Variants in SLC45A4 observed in about 807,000 individuals in gnomAD.
SLC45A4 encodes the protein polyamine-transporter SLC45A4.
SLC45A4 carries 32 observed loss-of-function variants against 63.7 expected under a neutral mutation model. The ratio of observed to expected loss-of-function variants is 0.50; its 90% CI spans 0.38 to 0.67. The LOEUF (loss-of-function observed/expected upper bound fraction) is 0.67. SLC45A4 is among the 30% of genes least tolerant of loss of function. The pLI, the probability that SLC45A4 is intolerant of heterozygous loss-of-function variation, is 0.00. For synonymous variants in SLC45A4, 535 were observed against 510.0 expected (o/e 1.05, Z -0.66); for missense variants, 1,027 against 1,157.7 (o/e 0.89, Z 1.64).
At chr8:141,285,000 AC>A (rs60804574) in intron 1 of SLC45A4, among the ~76,000 whole-genome samples, 45,571 of 152,104 alleles carry the variant, frequency 0.3, 7,011 homozygotes, top group East Asian at 0.43. Context: ...GGCCGGCTTG[AC>A]AGGAACCAGT....
In SLC45A4 at chr8:141,218,548, C is replaced by T. The variant is rs780289863; in HGVS notation, c.1092G>A (p.Lys364=). ...AGGTCTCGTCCTCCTTGGCGGCTTCCTTGAGGAAGGTGGCCAGGCGGGGCA... is the reference window on the plus strand; with the variant it reads ...AGGTCTCGTCCTCCTTGGCGGCTTCTTTGAGGAAGGTGGCCAGGCGGGGCA... ...TKLPRLATFL[K]EAAKEDETLL... Residue 364 remains lysine (K), a synonymous_variant, in exon 5 of 9, where the codon AAG becomes AAA. Transcript: ENST00000517878. 5 of 1,613,536 alleles carry T rather than the reference C, an allele frequency of 3.1e-6. No individual in the cohort carries two copies. In the African/African-American group the frequency reaches 5.3e-5, roughly 17 times the overall value.
chr8:141,218,352 A>G lies in SLC45A4; in HGVS notation c.1288T>C (p.Tyr430His). The G allele has an allele frequency of 6.2e-7, 1 of 1,608,196 alleles. No individual in the cohort carries two copies. The highest frequency in any genetic ancestry group is 1.7e-5 in the Admixed American group (1 of 60,004). Residue 430 changes from tyrosine (Y) to histidine (H), a missense_variant, in exon 5 of 9, where the codon TAC (tyrosine) becomes CAC (histidine). Physicochemically the swap from Tyr to His is moderately conservative, Grantham distance 83. Coordinates refer to ENST00000517878, the MANE Select transcript of SLC45A4 (RefSeq NM_001286646.2). ...RRQASSTFSY[Y>H]GKLGSHCYRY... Reference sequence around the variant, plus strand: ...TAGCAGTGGGACCCAAGCTTGCCGTAGTAGGAGAAGGTGCTGGAGGCCTGC... The same window carrying G: ...TAGCAGTGGGACCCAAGCTTGCCGTGGTAGGAGAAGGTGCTGGAGGCCTGC...
At chr8:141,246,127 T>C (rs1212886861) in intron 2 of SLC45A4, among the ~76,000 whole-genome samples, 2 of 152,238 alleles carry the variant, frequency 1.3e-5, no homozygotes, top group Non-Finnish European at 1.5e-5. Flanking sequence ...GCTGCTTCTG[T>C]AGTACCTTCG....
intron 2 of SLC45A4, among the ~76,000 whole-genome samples, chr8:141,222,627 G>A (rs904770947): frequency 2.6e-5 from 4 of 152,208 alleles, no homozygotes; most frequent in Non-Finnish European, 4.4e-5. Flanking sequence ...CCAACCAGGC[G>A]GGCAAACAGT....
At chr8:141,228,773 C>A (rs1295468052) in intron 2 of SLC45A4, among the ~76,000 whole-genome samples, 3 of 152,156 alleles carry the variant, frequency 2.0e-5, no homozygotes, top group Non-Finnish European at 4.4e-5. Flanking sequence ...TCAATCAGTT[C>A]CAGAAGCCAA....
chr8:141,219,796 G>A lies in SLC45A4; in HGVS notation c.464C>T (p.Pro155Leu), dbSNP rs758513019. ...CAGCACCGTGAGCACGATGCCAATGGGCTGCCGGTTGGGGACATCGCCGAG... is the reference window on the plus strand; with the variant it reads ...CAGCACCGTGAGCACGATGCCAATGAGCTGCCGGTTGGGGACATCGCCGAG... ...LALGDVPNRQ[P>L]IGIVLTVLGV... Residue 155 changes from proline (P) to leucine (L), a missense_variant, in exon 4 of 9, where the codon CCC becomes CTC. Transcript: ENST00000517878. 3 of 1,591,758 alleles carry A rather than the reference G, an allele frequency of 1.9e-6. No individual in the cohort carries two copies. Among genetic ancestry groups the A allele is most frequent in the South Asian group, 1.1e-5 (1 of 87,696 alleles).
At chr8:141,232,017 G>C (rs1271978538) in intron 2 of SLC45A4, among the ~76,000 whole-genome samples, 6 of 152,180 alleles carry the variant, frequency 3.9e-5, no homozygotes, top group Non-Finnish European at 5.9e-5. Context: ...GGCAGGAACA[G>C]TACATTCCAG....
intron 2 of SLC45A4, among the ~76,000 whole-genome samples, chr8:141,251,842 T>C (rs937950083): frequency 1.8e-4 from 27 of 151,154 alleles, no homozygotes; most frequent in African/African-American, 5.4e-4. Context: ...TCCTGTGATT[T>C]TGGTAATAAT....
rs776955773 is a variant in SLC45A4 at position 141,215,376 on chromosome 8, C to T, written c.1941+383G>A. On this transcript the variant is annotated intron_variant, in intron 7 of 8. Coordinates refer to ENST00000517878, the MANE Select transcript of SLC45A4 (RefSeq NM_001286646.2). The surrounding 1 kb of genome is among the most constrained non-coding windows in gnomAD (Gnocchi z 4.3). ...TTCACTGGCCTTTTCACTTTCTAAA[C>T]GTGGCCGCCAGGAAGTCTAGGCATA... Among the ~76,000 whole-genome samples, 21 of 152,138 alleles carry T rather than the reference C, an allele frequency of 1.4e-4. No individual in the cohort carries two copies. The highest frequency in any genetic ancestry group is 7.7e-4 in the East Asian group (4 of 5,196).
chr8:141,217,706 C>T (rs955465245), intron 5 of SLC45A4, among the ~76,000 whole-genome samples: 5 of 152,218 alleles, frequency 3.3e-5, no homozygotes, highest in African/African-American at 4.8e-5. Context: ...TCTTAGCTGC[C>T]GTTTTGGGGT....
intron 2 of SLC45A4, among the ~76,000 whole-genome samples, chr8:141,223,354 C>T (rs1826774708): frequency 6.6e-6 from 1 of 152,208 alleles, no homozygotes; most frequent in Non-Finnish European, 1.5e-5. Context: ...CTCAGCTTCA[C>T]CGGAACTGAG....
intron 2 of SLC45A4, among the ~76,000 whole-genome samples, chr8:141,234,767 G>A (rs887281762): frequency 1.3e-4 from 20 of 152,286 alleles, no homozygotes; most frequent in East Asian, 7.7e-4. Context: ...GAGAGGTCTC[G>A]ACTGGCACAG....
intron 1 of SLC45A4, among the ~76,000 whole-genome samples, chr8:141,300,844 C>A (rs1476296315): frequency 1.3e-5 from 2 of 152,242 alleles, no homozygotes; most frequent in African/African-American, 4.8e-5. Context: ...CCCTTTAACA[C>A]TGCGCATTTA....
In SLC45A4 at chr8:141,215,966, C is replaced by T. The variant is rs1826122605; in HGVS notation, c.1734G>A (p.Leu578=). Residue 578 remains leucine (L), a synonymous_variant, in exon 7 of 9, where the codon CTG becomes CTA. Transcript: ENST00000517878. This position sits in a 1 kb window ranked among gnomAD's most constrained non-coding sequence, Gnocchi z 4.3. The stretch of plus-strand genomic sequence containing the variant: ...CGTAGTTGTCCAAGTACTTCTGTAA[C>T]AGGGCTGCAGAGAGGGGCACAGGGA... ...YAATGAICSA[L]LQKYLDNYDL... The T allele has an allele frequency of 6.2e-7, 1 of 1,613,086 alleles. No individual in the cohort carries two copies.
chr8:141,234,820 T>C (rs972719325), intron 2 of SLC45A4, among the ~76,000 whole-genome samples: 1 of 151,948 alleles, frequency 6.6e-6, no homozygotes, highest in Non-Finnish European at 1.5e-5. Flanking sequence ...CTCTGGCCCC[T>C]CCCCCCAGCA....
intron 2 of SLC45A4, among the ~76,000 whole-genome samples, chr8:141,237,379 A>G (rs1827683689): frequency 6.6e-6 from 1 of 151,952 alleles, no homozygotes; most frequent in African/African-American, 2.4e-5. Context: ...CCACCACACC[A>G]CAGCCCAGAT....
chr8:141,209,116 C>T lies in SLC45A4; in HGVS notation c.*2456G>A, dbSNP rs1038048621. 2.0e-5 allele frequency: 3 copies of T among 152,634 alleles called. No individual in the cohort carries two copies. 9.5% of individuals were successfully genotyped at this position (152,634 alleles called of 1,614,324 possible). On this transcript the variant is annotated 3_prime_UTR_variant, in exon 9 of 9. Coordinates refer to ENST00000517878, the MANE Select transcript of SLC45A4 (RefSeq NM_001286646.2). ...GGGGCACCCGCACGGCCTCCTCGTC[C>T]CTCTCGGGCAAGGCTATCAGCCAGA...
At position 141,215,749 on chromosome 8, in the gene SLC45A4, G is replaced by T; in HGVS notation, c.1941+10C>A. 1 of 1,612,174 alleles carries T rather than the reference G, an allele frequency of 6.2e-7. No homozygotes were observed. On this transcript the variant is annotated intron_variant, in intron 7 of 8. Transcript: ENST00000517878. The surrounding 1 kb of genome is among the most constrained non-coding windows in gnomAD (Gnocchi z 4.3). Reference sequence around the variant, plus strand: ...CTGGAGCGCAGATCTCAGGGCTACGGTGGACGCACCTGCTTGATGTCATGG... The same window carrying T: ...CTGGAGCGCAGATCTCAGGGCTACGTTGGACGCACCTGCTTGATGTCATGG...
At chr8:141,295,774 C>T (rs1464858190) in intron 1 of SLC45A4, among the ~76,000 whole-genome samples, 3 of 152,178 alleles carry the variant, frequency 2.0e-5, no homozygotes, top group Admixed American at 6.5e-5. Context: ...GTTGAGTGAA[C>T]GTGATGAGAA....
Sources: gnomAD v4.1 joint callset for allele counts (sites outside exome capture counted in the v4.1 genomes callset) on GRCh38, gnomAD v4.1.1 for gene constraint, Gnocchi (gnomAD v3.1) non-coding constraint, MANE v1.5 for transcripts, NCBI Gene and HGNC (gene_info 2026-07-23, HGNC 2026-07-21) for gene names.